Variants in SV2C observed in about 807,000 individuals in gnomAD.
SV2C encodes solute carrier family 22 member B3.
In SV2C, 49 loss-of-function variants were observed where a neutral mutation model predicts 79.7. The observed-to-expected ratio is 0.61, with a 90% CI of 0.49 to 0.78. The LOEUF (loss-of-function observed/expected upper bound fraction) is 0.78. Among genes scored for constraint, SV2C ranks in the 30% least tolerant of loss-of-function variants. The pLI, the probability that SV2C is intolerant of heterozygous loss-of-function variation, is 0.00. For missense variants in SV2C, 833 were observed against 912.9 expected, an observed-to-expected ratio of 0.91 and a Z score of 1.13; for synonymous variants, 334 against 333.2, an observed-to-expected ratio of 1.00 and a Z score of -0.03.
chr5:76,218,425 A>T (rs1178288669), intron 4 of SV2C, among the ~76,000 whole-genome samples: 2 of 152,250 alleles, frequency 1.3e-5, no homozygotes, highest in East Asian at 3.8e-4. Context: ...CTATGCAGCC[A>T]TAAAAAATAA....
upstream of SV2C, among the ~76,000 whole-genome samples, chr5:76,082,575 TTTTCTTTC>T (rs148669552): frequency 6.0e-5 from 9 of 150,476 alleles, no homozygotes; most frequent in African/African-American, 2.4e-5. Flanking sequence ...TTCTTTCTCT[TTTTCTTTC>T]TTTCTTTCTT....
the SV2C span, among the ~76,000 whole-genome samples, chr5:76,029,846 T>C: frequency 0.015 from 2,266 of 152,322 alleles, 59 homozygotes; most frequent in African/African-American, 0.047. Context: ...AATGTCAGCT[T>C]GGACCTCAGT....
At chr5:76,173,879 C>A (rs555515324) in intron 2 of SV2C, 1 of 1,596,582 alleles carries the variant, frequency 6.3e-7, no homozygotes. Flanking sequence ...GTCTTTAACT[C>A]GAAGAATCTG....
chr5:76,119,391 C>T (rs527725927), intron 1 of SV2C, among the ~76,000 whole-genome samples: 34 of 152,114 alleles, frequency 2.2e-4, no homozygotes, highest in African/African-American at 8.0e-4. Context: ...TCTCAGATGC[C>T]AGAAGTGGAA....
At chr5:75,936,234 A>C in the SV2C span, among the ~76,000 whole-genome samples, 1 of 151,938 alleles carries the variant, frequency 6.6e-6, no homozygotes, top group Non-Finnish European at 1.5e-5. Flanking sequence ...TTTGACATCT[A>C]TTTCTCCTGA....
chr5:76,056,084 GA>G, the SV2C span, among the ~76,000 whole-genome samples: 1 of 152,244 alleles, frequency 6.6e-6, no homozygotes, highest in East Asian at 1.9e-4. Context: ...TTTTCAAAGG[GA>G]ATGCTTCCAG....
chr5:75,943,701 A>T, the SV2C span, among the ~76,000 whole-genome samples: 1 of 152,146 alleles, frequency 6.6e-6, no homozygotes, highest in African/African-American at 2.4e-5. Context: ...TTATTGTCCT[A>T]AAATGTGGAA....
the SV2C span, among the ~76,000 whole-genome samples, chr5:75,879,947 T>A: frequency 1.1e-4 from 17 of 152,182 alleles, no homozygotes; most frequent in Non-Finnish European, 1.9e-4. Context: ...TGCCTGCAGG[T>A]TTGACACCAC....
chr5:75,934,100 G>A, the SV2C span, among the ~76,000 whole-genome samples: 1 of 152,002 alleles, frequency 6.6e-6, no homozygotes, highest in Non-Finnish European at 1.5e-5. Context: ...TCCATTTTAT[G>A]GAGTTTGGAC....
exon 13 of SV2C, chr5:76,353,665 C>G (rs1375430184): frequency 6.6e-6 from 1 of 152,286 alleles, no homozygotes; most frequent in Non-Finnish European, 1.5e-5. Flanking sequence ...CCACTTTACA[C>G]ACTTGCCCAG....
the SV2C span, among the ~76,000 whole-genome samples, chr5:76,028,056 T>A: frequency 3.9e-5 from 6 of 152,316 alleles, no homozygotes; most frequent in South Asian, 1.2e-3. Flanking sequence ...TGATACTCTA[T>A]CCTGCAAAAT....
chr5:76,179,854 T>A (rs1316492569), intron 2 of SV2C, among the ~76,000 whole-genome samples: 1 of 152,242 alleles, frequency 6.6e-6, no homozygotes, highest in Non-Finnish European at 1.5e-5. Context: ...AGTAATGGCC[T>A]GCTGGATTTT....
chr5:75,916,389 C>G, the SV2C span, among the ~76,000 whole-genome samples: 2 of 141,624 alleles, frequency 1.4e-5, no homozygotes, highest in Non-Finnish European at 3.1e-5. Flanking sequence ...CCTCCCCTTC[C>G]CCTTCCCCTT....
At chr5:76,245,488 A>G (rs546700043) in intron 4 of SV2C, among the ~76,000 whole-genome samples, 89 of 152,220 alleles carry the variant, frequency 5.8e-4, no homozygotes, top group Non-Finnish European at 1.1e-3. Context: ...AGCCACTTTT[A>G]TGGGAGCCTA....
the SV2C span, among the ~76,000 whole-genome samples, chr5:76,063,480 G>C: frequency 6.6e-6 from 1 of 152,132 alleles, no homozygotes; most frequent in Non-Finnish European, 1.5e-5. Flanking sequence ...AATGCTGAAG[G>C]GTCTGGCCTT....
At chr5:76,234,982 A>T (rs1315439868) in intron 4 of SV2C, among the ~76,000 whole-genome samples, 1 of 152,216 alleles carries the variant, frequency 6.6e-6, no homozygotes, top group Non-Finnish European at 1.5e-5. Flanking sequence ...ATCAGTTTAG[A>T]TGGAAGAACT....
At chr5:76,124,729 A>G (rs975054777) in intron 1 of SV2C, among the ~76,000 whole-genome samples, 6 of 152,182 alleles carry the variant, frequency 3.9e-5, no homozygotes, top group Non-Finnish European at 7.4e-5. Context: ...ATTCCCACCA[A>G]CAGTGCACAT....
chr5:76,184,927 A>C (rs1743866428), intron 2 of SV2C, among the ~76,000 whole-genome samples: 1 of 152,196 alleles, frequency 6.6e-6, no homozygotes, highest in Admixed American at 6.5e-5. Context: ...CCAAGTCCAA[A>C]GTCTCATCTG....
At chr5:76,298,964 C>T in intron 10 of SV2C, 37 bp downstream of exon 10, 1 of 1,604,734 alleles carries the variant, frequency 6.2e-7, no homozygotes, top group Non-Finnish European at 8.5e-7. Flanking sequence ...TACCTGAGGC[C>T]TCTCCAAAGG....
Sources: gnomAD v4.1 joint callset for allele counts (sites outside exome capture counted in the v4.1 genomes callset) on GRCh38, gnomAD v4.1.1 for gene constraint, MANE v1.5 for transcripts, NCBI Gene and HGNC (gene_info 2026-07-23, HGNC 2026-07-21) for gene names.